The following PRIM2 variants were observed in gnomAD, a reference collection of about 807,000 sequenced individuals.
PRIM2 encodes DNA primase large subunit.
PRIM2 carries 39 observed loss-of-function variants against 67.3 expected under a neutral mutation model. The observed-to-expected ratio is 0.58, with a 90% CI of 0.45 to 0.76. The LOEUF (loss-of-function observed/expected upper bound fraction) is 0.76, where lower values mean the gene tolerates loss of function less well. Ranked by LOEUF, PRIM2 falls within the 30% of genes least tolerant of loss-of-function variation. PRIM2 has a pLI of 0.00. For missense variants in PRIM2, 398 were observed against 598.7 expected (o/e 0.66, Z 3.50); for synonymous variants, 143 against 198.7 (o/e 0.72, Z 2.36).
intron 7 of PRIM2, among the ~76,000 whole-genome samples, chr6:57,431,569 GCC>G (rs1771829429): frequency 6.6e-6 from 1 of 151,960 alleles, no homozygotes. Context: ...GATTGCCTTA[GCC>G]CAGGATTTGA....
chr6:57,349,712 AT>A (rs34052291), intron 5 of PRIM2, among the ~76,000 whole-genome samples: 4 of 151,256 alleles, frequency 2.6e-5, no homozygotes, highest in Non-Finnish European at 4.4e-5. Context: ...CATATTTCTT[AT>A]TTTTTTTGTC....
chr6:57,492,550 A>AT (rs1773921211), intron 7 of PRIM2, among the ~76,000 whole-genome samples: 3 of 151,530 alleles, frequency 2.0e-5, no homozygotes, highest in Non-Finnish European at 1.5e-5. Flanking sequence ...TCTAAAAAAA[A>AT]AAAATAAATA....
intron 7 of PRIM2, among the ~76,000 whole-genome samples, chr6:57,425,068 T>C (rs1771577468): frequency 6.6e-6 from 1 of 152,208 alleles, no homozygotes; most frequent in Non-Finnish European, 1.5e-5. Context: ...TGAAATATTA[T>C]ACTTAGGAAT....
At chr6:57,351,520 A>C (rs1407848540) in intron 5 of PRIM2, among the ~76,000 whole-genome samples, 6 of 152,192 alleles carry the variant, frequency 3.9e-5, no homozygotes, top group Non-Finnish European at 7.3e-5. Flanking sequence ...AAGTGGGCAG[A>C]TGTGGTAGAC....
intron 7 of PRIM2, among the ~76,000 whole-genome samples, chr6:57,440,438 A>G (rs1772167507): frequency 6.6e-6 from 1 of 152,186 alleles, no homozygotes; most frequent in African/African-American, 2.4e-5. Flanking sequence ...AGTCTTGATT[A>G]TTTGTTGAGA....
chr6:57,297,164 G>A, the PRIM2 span, among the ~76,000 whole-genome samples: 2 of 152,024 alleles, frequency 1.3e-5, no homozygotes, highest in Admixed American at 6.6e-5. Flanking sequence ...GAAAAATATC[G>A]AGTGCAGTGG....
chr6:57,475,719 A>G (rs1452424271), intron 7 of PRIM2, among the ~76,000 whole-genome samples: 1 of 152,364 alleles, frequency 6.6e-6, no homozygotes, highest in East Asian at 1.9e-4. Context: ...CCAAAGTTGC[A>G]TAGCTAGACT....
chr6:57,438,030 G>A (rs981330487), intron 7 of PRIM2, among the ~76,000 whole-genome samples: 2 of 151,128 alleles, frequency 1.3e-5, no homozygotes, highest in Non-Finnish European at 2.9e-5. Context: ...ACTGAAAGAG[G>A]AAGTTAGATT....
At chr6:57,486,578 G>A (rs1773757376) in intron 7 of PRIM2, among the ~76,000 whole-genome samples, 1 of 152,200 alleles carries the variant, frequency 6.6e-6, no homozygotes, top group Non-Finnish European at 1.5e-5. Flanking sequence ...CTAGATGGGC[G>A]GATTGAACTT....
At chr6:57,241,235 A>G in the PRIM2 span, among the ~76,000 whole-genome samples, 2 of 151,080 alleles carry the variant, frequency 1.3e-5, no homozygotes, top group African/African-American at 2.4e-5. Flanking sequence ...AAAAAAAAAA[A>G]AAAGAAAAAA....
Position 57,634,808 on chromosome 6 carries a change from C to G in PRIM2, c.1299+2607C>G, listed in dbSNP as rs1178047616. 1.4e-3 allele frequency among the ~76,000 whole-genome samples: 210 copies of G among 152,148 alleles called. 4 individuals are homozygous for G. The East Asian group carries it at 0.019, about 14-fold the overall frequency. On this transcript the variant is annotated intron_variant, in intron 13 of 13. Transcript: ENST00000615550. ...TTGCCAATTTTTAAAACTTGCTTTA[C>G]ATTAATGAAGATTTTGGAAAGACAT...
intron 12 of PRIM2, among the ~76,000 whole-genome samples, chr6:57,612,143 C>G (rs1776677969): frequency 6.6e-6 from 1 of 152,126 alleles, no homozygotes; most frequent in African/African-American, 2.4e-5. Context: ...GGAGGAAATG[C>G]AAGTCATAGA....
chr6:57,584,738 T>G (rs1776158548), intron 10 of PRIM2, among the ~76,000 whole-genome samples: 1 of 152,236 alleles, frequency 6.6e-6, no homozygotes, highest in Admixed American at 6.5e-5. Context: ...TATTTGATTA[T>G]AAAATGAACT....
chr6:57,556,052 A>G (rs1461752160), intron 10 of PRIM2, among the ~76,000 whole-genome samples: 3 of 152,374 alleles, frequency 2.0e-5, no homozygotes, highest in South Asian at 4.1e-4. Context: ...AATTGCCATA[A>G]TAAGAATAAC....
chr6:57,255,497 C>G, the PRIM2 span, among the ~76,000 whole-genome samples: 1 of 130,200 alleles, frequency 7.7e-6, no homozygotes, highest in East Asian at 2.3e-4. Flanking sequence ...GACTCTATCT[C>G]AAAAAAAAAA....
rs764330737 is a variant in PRIM2, at chr6:57,318,445, G to C, written c.-1G>C. 1 of 1,611,490 alleles carries C rather than the reference G, an allele frequency of 6.2e-7. No homozygotes were observed. The highest frequency in any genetic ancestry group is 1.7e-5 in the Admixed American group (1 of 59,684). On this transcript the variant is annotated 5_prime_UTR_variant, in exon 2 of 14. Transcript: ENST00000615550. Reference sequence around the variant, plus strand: ...GTGTACTTCCTTCTAAGGTGACCAAGATGGAGTTTTCTGGAAGAAAGTGGA... The same window carrying C: ...GTGTACTTCCTTCTAAGGTGACCAACATGGAGTTTTCTGGAAGAAAGTGGA...
chr6:57,306,045 T>A, the PRIM2 span, among the ~76,000 whole-genome samples: 1 of 152,166 alleles, frequency 6.6e-6, no homozygotes, highest in Non-Finnish European at 1.5e-5. Flanking sequence ...AAGGTCAGAT[T>A]TTTTTCTTGC....
At chr6:57,540,781 A>C (rs1775132863) in intron 10 of PRIM2, among the ~76,000 whole-genome samples, 1 of 152,222 alleles carries the variant, frequency 6.6e-6, no homozygotes, top group South Asian at 2.1e-4. Context: ...TATAACCTAC[A>C]TAAAATTAAC....
intron 10 of PRIM2, among the ~76,000 whole-genome samples, chr6:57,568,212 A>G (rs1380983693): frequency 2.6e-5 from 4 of 152,198 alleles, no homozygotes; most frequent in African/African-American, 4.8e-5. Flanking sequence ...GGGTATGCCC[A>G]GTCCAATTTT....
Sources: allele counts gnomAD v4.1 joint callset (sites outside exome capture counted in the v4.1 genomes callset), GRCh38; gene constraint gnomAD v4.1.1; transcripts MANE v1.5; gene names NCBI Gene and HGNC (gene_info 2026-07-23, HGNC 2026-07-21).